DTNB: variants seen among roughly 807,000 people sequenced by gnomAD.
DTNB encodes DTN-B.
In DTNB, 63 loss-of-function variants were observed where a neutral mutation model predicts 90.7. The ratio of observed to expected loss-of-function variants is 0.69; its 90% CI spans 0.57 to 0.86. DTNB has a LOEUF of 0.86. Ranked by LOEUF, DTNB falls within the 40% of genes least tolerant of loss-of-function variation. The pLI, the probability that DTNB is intolerant of heterozygous loss-of-function variation, is 0.00. For missense variants in DTNB, 744 were observed against 807.1 expected (o/e 0.92, Z 0.95); for synonymous variants, 277 against 286.7 (o/e 0.97, Z 0.34).
At chr2:25,517,517 C>G (rs1442220857) in intron 9 of DTNB, among the ~76,000 whole-genome samples, 1 of 152,082 alleles carries the variant, frequency 6.6e-6, no homozygotes, top group African/African-American at 2.4e-5. Flanking sequence ...AAAAACAAAT[C>G]AACATAGAAT....
At chr2:25,632,799 A>C (rs962219727) in intron 3 of DTNB, among the ~76,000 whole-genome samples, 2 of 152,222 alleles carry the variant, frequency 1.3e-5, no homozygotes, top group African/African-American at 4.8e-5. Context: ...TCTTATAAGC[A>C]ACAGAAAACA....
chr2:25,478,176 A>G (rs2064124091), intron 10 of DTNB, among the ~76,000 whole-genome samples: 1 of 152,116 alleles, frequency 6.6e-6, no homozygotes, highest in Non-Finnish European at 1.5e-5. Flanking sequence ...ACTTTTGTAT[A>G]CTGTGTGTGT....
At chr2:25,538,384 G>A (rs1289519404) in intron 8 of DTNB, among the ~76,000 whole-genome samples, 1 of 152,164 alleles carries the variant, frequency 6.6e-6, no homozygotes, top group East Asian at 1.9e-4. Context: ...CAGCCTAGGT[G>A]ACAGAGTGAG....
intron 9 of DTNB, among the ~76,000 whole-genome samples, chr2:25,486,182 G>T (rs1322366991): frequency 1.3e-5 from 2 of 152,064 alleles, no homozygotes; most frequent in Non-Finnish European, 2.9e-5. Context: ...TAGCCTGCTG[G>T]CTGGGCACAG....
At chr2:25,514,681 C>CTTTTTTTTTTT (rs560287104) in intron 9 of DTNB, among the ~76,000 whole-genome samples, 1 of 98,876 alleles carries the variant, frequency 1.0e-5, no homozygotes, top group Non-Finnish European at 1.9e-5. Flanking sequence ...TGAAAAAAAT[C>CTTTTTTTTTTT]TTTTTTTTTT....
chr2:25,639,411 G>C, intron 2 of DTNB: 1 of 196,462 alleles, frequency 5.1e-6, no homozygotes, highest in Non-Finnish European at 1.0e-5. Context: ...TCGTGAGAAA[G>C]ACCCAAGCCT....
intron 14 of DTNB, among the ~76,000 whole-genome samples, chr2:25,431,152 G>C (rs2053723238): frequency 6.6e-6 from 1 of 151,892 alleles, no homozygotes; most frequent in African/African-American, 2.4e-5. Context: ...GTAATTCTGA[G>C]ATACTACTTT....
intron 10 of DTNB, among the ~76,000 whole-genome samples, chr2:25,479,246 A>C (rs3100634): frequency 2.1e-3 from 317 of 152,346 alleles, no homozygotes; most frequent in Admixed American, 5.2e-3. Context: ...AAAATAAAAA[A>C]AATTAGCATC....
At chr2:25,460,306 A>C (rs554663150) in intron 10 of DTNB, among the ~76,000 whole-genome samples, 1 of 152,216 alleles carries the variant, frequency 6.6e-6, no homozygotes, top group East Asian at 1.9e-4. Flanking sequence ...TAATTATGAG[A>C]TATGTATTAA....
intron 8 of DTNB, among the ~76,000 whole-genome samples, chr2:25,544,057 G>A (rs1284858185): frequency 6.6e-6 from 1 of 152,202 alleles, no homozygotes; most frequent in African/African-American, 2.4e-5. Context: ...AACTAGGAGG[G>A]ACAGCCACGG....
intron 11 of DTNB, among the ~76,000 whole-genome samples, chr2:25,453,252 T>C (rs1282218135): frequency 1.3e-5 from 2 of 152,152 alleles, no homozygotes; most frequent in East Asian, 3.8e-4. Context: ...TATACATGAG[T>C]GTGGATGACA....
chr2:25,525,433 T>A (rs1419693172), intron 9 of DTNB, among the ~76,000 whole-genome samples: 1 of 152,074 alleles, frequency 6.6e-6, no homozygotes, highest in Admixed American at 6.6e-5. Context: ...GGTCAGAAGT[T>A]CAAGACCAGC....
chr2:25,622,974 T>C (rs1372025062), intron 4 of DTNB, among the ~76,000 whole-genome samples: 1 of 151,722 alleles, frequency 6.6e-6, no homozygotes, highest in African/African-American at 2.4e-5. Context: ...GAAGAACAAA[T>C]TAATGAGCAG....
At chr2:25,538,445 G>A (rs2080350292) in intron 8 of DTNB, among the ~76,000 whole-genome samples, 1 of 152,172 alleles carries the variant, frequency 6.6e-6, no homozygotes, top group South Asian at 2.1e-4. Flanking sequence ...AGTATAAAAT[G>A]TGTTTGTACA....
intron 19 of DTNB, among the ~76,000 whole-genome samples, chr2:25,381,215 G>A (rs974645145): frequency 6.6e-6 from 1 of 152,126 alleles, no homozygotes; most frequent in African/African-American, 2.4e-5. Flanking sequence ...GTGCGTGTGT[G>A]TGCGCGTGTT....
At chr2:25,632,484 G>A (rs2075992508) in intron 3 of DTNB, among the ~76,000 whole-genome samples, 1 of 152,174 alleles carries the variant, frequency 6.6e-6, no homozygotes, top group Non-Finnish European at 1.5e-5. Flanking sequence ...GTACTGAGAG[G>A]TGGGCTTTAA....
intron 6 of DTNB, among the ~76,000 whole-genome samples, chr2:25,581,925 C>T (rs1325429155): frequency 6.6e-6 from 1 of 152,216 alleles, no homozygotes; most frequent in African/African-American, 2.4e-5. Context: ...ATGTCCTGAT[C>T]CCACCATTCA....
At chr2:25,407,508 T>C (rs1226652725) in intron 16 of DTNB, among the ~76,000 whole-genome samples, 1 of 152,180 alleles carries the variant, frequency 6.6e-6, no homozygotes, top group African/African-American at 2.4e-5. Flanking sequence ...ACTGCAAAGA[T>C]ACAGAACCAA....
chr2:25,383,131 C>T (rs1010185022), intron 19 of DTNB, among the ~76,000 whole-genome samples: 1 of 151,890 alleles, frequency 6.6e-6, no homozygotes, highest in African/African-American at 2.4e-5. Context: ...TTTCAGAAAC[C>T]CTTATTATAC....
Sources: gnomAD v4.1 joint callset for allele counts (sites outside exome capture counted in the v4.1 genomes callset) on GRCh38, gnomAD v4.1.1 for gene constraint, MANE v1.5 for transcripts, NCBI Gene and HGNC (gene_info 2026-07-23, HGNC 2026-07-21) for gene names.